The following MOXD1 variants were observed in gnomAD, a reference collection of about 807,000 sequenced individuals.
MOXD1 encodes DBH-like monooxygenase protein 1.
In MOXD1, 62 loss-of-function variants were observed where a neutral mutation model predicts 66.6. That is an observed-to-expected ratio of 0.93 (90% CI 0.76 to 1.15). The LOEUF (loss-of-function observed/expected upper bound fraction) is 1.15, where lower values mean the gene tolerates loss of function less well. MOXD1 is among the 50% of genes most tolerant of loss of function. The pLI, the probability that MOXD1 is intolerant of heterozygous loss-of-function variation, is 0.00. For missense variants in MOXD1, 847 were observed against 754.6 expected, an observed-to-expected ratio of 1.12 and a Z score of -1.44; for synonymous variants, 303 against 281.9, an observed-to-expected ratio of 1.07 and a Z score of -0.75.
chr6:132,389,126 A>G (rs1481522178), intron 1 of MOXD1, among the ~76,000 whole-genome samples: 1 of 151,098 alleles, frequency 6.6e-6, no homozygotes, highest in African/African-American at 2.4e-5. Flanking sequence ...ACAGCCTCAA[A>G]CTCCTGGCTT....
At chr6:132,337,493 T>G (rs1374501621) in intron 4 of MOXD1, among the ~76,000 whole-genome samples, 1 of 152,252 alleles carries the variant, frequency 6.6e-6, no homozygotes, top group African/African-American at 2.4e-5. Context: ...CTCTACTACA[T>G]ACCTCTACTA....
At chr6:132,312,020 C>A (rs1051368271) in intron 10 of MOXD1, among the ~76,000 whole-genome samples, 3 of 152,038 alleles carry the variant, frequency 2.0e-5, no homozygotes. Flanking sequence ...ACTTACATCT[C>A]ACCAGACCTG....
intron 6 of MOXD1, among the ~76,000 whole-genome samples, chr6:132,327,088 C>G (rs1437954889): frequency 6.6e-6 from 1 of 152,154 alleles, no homozygotes. Context: ...TTCTTCACTG[C>G]ACCCTAACCC....
At position 132,386,198 on chromosome 6, in the gene MOXD1, C is replaced by A. The variant is rs532933765; in HGVS notation, c.265-11421G>T. 1.2e-3 allele frequency among the ~76,000 whole-genome samples: 181 copies of A among 145,300 alleles called. 9 individuals are homozygous for A. The highest frequency in any genetic ancestry group is 4.3e-3 in the Admixed American group (60 of 14,024). Reference sequence around the variant, plus strand: ...CGGGCGGATCACGAGGTCAGGAAATCAAGACCATCCTGGCTAACACGGTGA... The same window carrying A: ...CGGGCGGATCACGAGGTCAGGAAATAAAGACCATCCTGGCTAACACGGTGA... On this transcript the variant is annotated intron_variant, in intron 1 of 11. Transcript: ENST00000367963.
intron 1 of MOXD1, among the ~76,000 whole-genome samples, chr6:132,397,628 GAGAGAGACAGAAAGAAAGAAAGAA>G (rs955318879): frequency 7.9e-6 from 1 of 126,538 alleles, no homozygotes; most frequent in African/African-American, 3.4e-5. Context: ...GAGAGAGAGA[GAGAGAGACAGAAAGAAAGAAAGAA>G]AGAAAGAAAG....
rs550257024 is a variant in MOXD1 at position 132,320,292 on chromosome 6, G to A, written c.1365+337C>T. Among the ~76,000 whole-genome samples, 41 of 152,192 alleles carry A rather than the reference G, an allele frequency of 2.7e-4. No individual in the cohort carries two copies. In the South Asian group the frequency reaches 8.5e-3, roughly 32 times the overall value. Reference sequence around the variant, plus strand: ...AAATTCATTCTTCATTTGGAAGTCTGTATTTATCTAAGCCAGACTCAAGCA... The same window carrying A: ...AAATTCATTCTTCATTTGGAAGTCTATATTTATCTAAGCCAGACTCAAGCA... On this transcript the variant is annotated intron_variant, in intron 9 of 11. Coordinates refer to ENST00000367963, the MANE Select transcript of MOXD1 (RefSeq NM_015529.4).
At chr6:132,375,618 C>T (rs1315258736) in intron 1 of MOXD1, among the ~76,000 whole-genome samples, 3 of 152,100 alleles carry the variant, frequency 2.0e-5, no homozygotes, top group Non-Finnish European at 2.9e-5. Context: ...GATGGGGTTT[C>T]ACCATGTTAG....
intron 4 of MOXD1, 53 bp downstream of exon 4, chr6:132,372,555 A>T (rs1776284652): frequency 2.1e-6 from 3 of 1,442,128 alleles, no homozygotes; most frequent in Non-Finnish European, 2.9e-6. Context: ...ATTAACATCA[A>T]TTTATTTTTC....
chr6:132,314,797 A>T (rs373969206), intron 10 of MOXD1, among the ~76,000 whole-genome samples: 1 of 152,236 alleles, frequency 6.6e-6, no homozygotes. Context: ...ACTATTTAAA[A>T]TATCTTTTTT....
chr6:132,376,443 G>A (rs9388989), intron 1 of MOXD1, among the ~76,000 whole-genome samples: 64,770 of 145,846 alleles, frequency 0.44, 19,842 homozygotes, highest in African/African-American at 0.85. Flanking sequence ...ACCCCAAATT[G>A]TTGGCAATGC....
intron 4 of MOXD1, among the ~76,000 whole-genome samples, chr6:132,339,346 T>C (rs1644889954): frequency 6.6e-6 from 1 of 152,226 alleles, no homozygotes; most frequent in South Asian, 2.1e-4. Context: ...TGAATGAATG[T>C]TCATTCTTGG....
chr6:132,297,090 A>G lies in MOXD1; in HGVS notation c.*63T>C. 1 of 1,550,918 alleles carries G rather than the reference A, an allele frequency of 6.4e-7. No individual in the cohort carries two copies. The highest frequency in any genetic ancestry group is 1.2e-5 in the South Asian group (1 of 85,370). On this transcript the variant is annotated 3_prime_UTR_variant, in exon 12 of 12. Coordinates refer to ENST00000367963, the MANE Select transcript of MOXD1 (RefSeq NM_015529.4). ...ATGCCCAAAGTGGACACAGTCTTTA[A>G]CCTGTACTTCAAATGACAGGTTCAG...
chr6:132,316,049 A>C (rs1017277339), intron 9 of MOXD1, among the ~76,000 whole-genome samples: 1 of 152,194 alleles, frequency 6.6e-6, no homozygotes, highest in African/African-American at 2.4e-5. Context: ...ATTTCAGAGA[A>C]TCATAAGGAT....
At position 132,320,510 on chromosome 6, in the gene MOXD1, C is replaced by T; in HGVS notation, c.1365+119G>A. 8.6e-6 allele frequency: 7 copies of T among 818,258 alleles called. No individual in the cohort carries two copies. The South Asian group carries it at 1.5e-4, about 17-fold the overall frequency. The allele number at this position is 818,258 out of a possible 1,614,324, so 50.7% of individuals were successfully genotyped here. A position where few individuals can be genotyped will look rare whatever the true frequency, so the allele number is the denominator to read the frequency against. ...GATGTCACTTTTATGATACTTGATA[C>T]TCAAGATTTTTAGAACTTTTCTTTC... On this transcript the variant is annotated intron_variant, in intron 9 of 11. Transcript: ENST00000367963.
Position 132,350,649 on chromosome 6 carries a change from C to A in MOXD1, c.663+21959G>T, listed in dbSNP as rs571701810. Among the ~76,000 whole-genome samples the A allele has an allele frequency of 2.5e-4, 38 of 152,082 alleles. No homozygotes were observed. In the South Asian group the frequency reaches 7.9e-3, roughly 32 times the overall value. On this transcript the variant is annotated intron_variant, in intron 4 of 11. Coordinates refer to ENST00000367963, the MANE Select transcript of MOXD1 (RefSeq NM_015529.4). ...AATTTTAGAATTGTTTTTTCTAATTCTGTGAAGAAAGAATGATGGTGGTAT... is the reference window on the plus strand; with the variant it reads ...AATTTTAGAATTGTTTTTTCTAATTATGTGAAGAAAGAATGATGGTGGTAT...
At chr6:132,381,465 A>C (rs1332515306) in intron 1 of MOXD1, among the ~76,000 whole-genome samples, 3 of 152,154 alleles carry the variant, frequency 2.0e-5, no homozygotes, top group Non-Finnish European at 4.4e-5. Flanking sequence ...GGCAAAAAAA[A>C]ATTGGGATCC....
intron 4 of MOXD1, among the ~76,000 whole-genome samples, chr6:132,338,245 C>T (rs1238040864): frequency 2.0e-5 from 3 of 152,154 alleles, no homozygotes; most frequent in African/African-American, 7.2e-5. Context: ...GTGATATACT[C>T]GTATCTTTAT....
At chr6:132,356,522 C>T (rs975134783) in intron 4 of MOXD1, among the ~76,000 whole-genome samples, 27 of 152,128 alleles carry the variant, frequency 1.8e-4, no homozygotes, top group African/African-American at 4.8e-5. Flanking sequence ...AGCAATCTAG[C>T]GTATAGGAAT....
At chr6:132,307,263 A>G (rs1774715792) in intron 10 of MOXD1, among the ~76,000 whole-genome samples, 1 of 152,240 alleles carries the variant, frequency 6.6e-6, no homozygotes, top group African/African-American at 2.4e-5. Context: ...AGATCAAAAA[A>G]GACAAAGAAT....
Sources: gnomAD v4.1 joint callset for allele counts (sites outside exome capture counted in the v4.1 genomes callset) on GRCh38, gnomAD v4.1.1 for gene constraint, MANE v1.5 for transcripts, NCBI Gene and HGNC (gene_info 2026-07-23, HGNC 2026-07-21) for gene names.